PRICKLE1: variants seen among roughly 807,000 people sequenced by gnomAD.
The protein encoded by PRICKLE1 is prickle planar cell polarity protein 1.
A neutral mutation model predicts 70.2 loss-of-function variants in PRICKLE1; 14 were observed. The observed-to-expected ratio is 0.20, with a 90% CI of 0.13 to 0.31. The LOEUF (loss-of-function observed/expected upper bound fraction) is 0.31, where lower values mean the gene tolerates loss of function less well. PRICKLE1 is among the 10% of genes least tolerant of loss of function. The pLI, the probability that PRICKLE1 is intolerant of heterozygous loss-of-function variation, is 1.00. For synonymous variants in PRICKLE1, 357 were observed against 379.9 expected, an observed-to-expected ratio of 0.94 and a Z score of 0.70; for missense variants, 821 against 1,026.2, an observed-to-expected ratio of 0.80 and a Z score of 2.73.
At chr12:42,543,515 C>A (rs1940152826) in intron 1 of PRICKLE1, among the ~76,000 whole-genome samples, 1 of 151,912 alleles carries the variant, frequency 6.6e-6, no homozygotes, top group Admixed American at 6.6e-5. Flanking sequence ...GAACTTTTGA[C>A]TCCTCAAAAC....
intron 1 of PRICKLE1, among the ~76,000 whole-genome samples, chr12:42,571,206 T>C (rs1278600462): frequency 6.6e-6 from 1 of 151,984 alleles, no homozygotes; most frequent in Non-Finnish European, 1.5e-5. Flanking sequence ...GTAAACATAA[T>C]GAATGGTAAC....
intron 1 of PRICKLE1, among the ~76,000 whole-genome samples, chr12:42,536,223 C>T (rs1264754688): frequency 1.3e-5 from 2 of 152,146 alleles, no homozygotes; most frequent in East Asian, 3.8e-4. Flanking sequence ...TGAGGGACTC[C>T]AAGGGGACTT....
chr12:42,550,839 TC>T (rs1940302305), intron 1 of PRICKLE1, among the ~76,000 whole-genome samples: 1 of 152,230 alleles, frequency 6.6e-6, no homozygotes, highest in Non-Finnish European at 1.5e-5. Context: ...AGAGAGTTTC[TC>T]CTTTTTGGCA....
chr12:42,517,553 C>T, intron 1 of PRICKLE1, among the ~76,000 whole-genome samples: 1 of 152,024 alleles, frequency 6.6e-6, no homozygotes, highest in East Asian at 1.9e-4. Context: ...ACCTCGTGAT[C>T]CGCCCATCTT....
In PRICKLE1 at chr12:42,459,994, C is replaced by A. The variant is rs146670726; in HGVS notation, c.2311G>T (p.Asp771Tyr). The A allele has an allele frequency of 1.9e-6, 3 of 1,613,870 alleles. No individual in the cohort carries two copies. The highest frequency in any genetic ancestry group is 2.5e-6 in the Non-Finnish European group (3 of 1,179,990). The change falls in exon 8 of 8, where the codon GAC becomes TAC. Residue 771 changes from aspartate (D) to tyrosine (Y), a missense_variant. By Grantham distance (160) the Asp-to-Tyr change is radical. Coordinates refer to ENST00000345127, the MANE Select transcript of PRICKLE1 (RefSeq NM_153026.3). ...AGAAAATATCCTTCTTCTTCCGAGT[C>A]GGAAGAGGAGGAGGAGGAAGAACAC... ...SWCSSSSSSSDSEEEGYFLGQ... is the reference protein window; with the variant it reads ...SWCSSSSSSSYSEEEGYFLGQ...
At chr12:42,585,910 A>G (rs1034318023) in intron 1 of PRICKLE1, among the ~76,000 whole-genome samples, 2 of 152,108 alleles carry the variant, frequency 1.3e-5, no homozygotes, top group African/African-American at 2.4e-5. Flanking sequence ...AGATTCCTCA[A>G]TGCCATCTTG....
At chr12:42,576,621 T>G (rs1387529147) in intron 1 of PRICKLE1, among the ~76,000 whole-genome samples, 1 of 152,232 alleles carries the variant, frequency 6.6e-6, no homozygotes, top group Non-Finnish European at 1.5e-5. Flanking sequence ...TTATTAGTTC[T>G]TCCTATTGGT....
intron 1 of PRICKLE1, among the ~76,000 whole-genome samples, chr12:42,559,576 A>G (rs539004076): frequency 1.4e-3 from 197 of 136,952 alleles, no homozygotes; most frequent in African/African-American, 4.8e-3. Context: ...GTATATATAT[A>G]TGTGTGTGTT....
intron 2 of PRICKLE1, 45 bp downstream of exon 2, chr12:42,472,340 C>T (rs1938356892): frequency 6.2e-7 from 1 of 1,610,312 alleles, no homozygotes; most frequent in Non-Finnish European, 8.5e-7. Context: ...AGTCTGAACT[C>T]ACACTGAAAA....
chr12:42,489,317 T>C (rs1939048140), intron 1 of PRICKLE1, among the ~76,000 whole-genome samples: 1 of 151,852 alleles, frequency 6.6e-6, no homozygotes, highest in African/African-American at 2.4e-5. Flanking sequence ...TACTAAAATA[T>C]ACTACAATAT....
At chr12:42,571,268 G>A (rs999836248) in intron 1 of PRICKLE1, among the ~76,000 whole-genome samples, 1 of 152,110 alleles carries the variant, frequency 6.6e-6, no homozygotes, top group South Asian at 2.1e-4. Context: ...ATTTTGGACT[G>A]CTGTATATCA....
At chr12:42,499,999 C>T (rs2140180645) in intron 1 of PRICKLE1, among the ~76,000 whole-genome samples, 1 of 152,278 alleles carries the variant, frequency 6.6e-6, no homozygotes, top group East Asian at 1.9e-4. Context: ...GATCCACCTG[C>T]CTTGGCCTCC....
intron 1 of PRICKLE1, among the ~76,000 whole-genome samples, chr12:42,531,312 C>T (rs1474513006): frequency 1.3e-5 from 2 of 152,144 alleles, no homozygotes; most frequent in South Asian, 4.2e-4. Context: ...TCCCAAAGTG[C>T]TGGGATTACA....
rs535176269 is a variant in PRICKLE1 at position 42,479,498 on chromosome 12, T to C, written c.-48-6934A>G. On this transcript the variant is annotated intron_variant, in intron 1 of 7. Coordinates refer to ENST00000345127, the MANE Select transcript of PRICKLE1 (RefSeq NM_153026.3). ...CCAAATTCAAGTATGGCCTTATTCA[T>C]ATAACACAGTGATATAATGAGGGGT... 1.3e-3 allele frequency among the ~76,000 whole-genome samples: 202 copies of C among 152,362 alleles called. 3 individuals carry two copies. The highest frequency in any genetic ancestry group is 4.8e-3 in the African/African-American group (199 of 41,580).
At chr12:42,548,343 T>C (rs1331508567) in intron 1 of PRICKLE1, among the ~76,000 whole-genome samples, 1 of 152,220 alleles carries the variant, frequency 6.6e-6, no homozygotes, top group African/African-American at 2.4e-5. Context: ...TCAACCTGTA[T>C]ATGCAGTAGA....
chr12:42,546,571 T>C (rs1236724799), intron 1 of PRICKLE1, among the ~76,000 whole-genome samples: 1 of 152,138 alleles, frequency 6.6e-6, no homozygotes, highest in Non-Finnish European at 1.5e-5. Flanking sequence ...CTGGCCAACA[T>C]GGCGAAACCC....
intron 1 of PRICKLE1, chr12:42,485,574 G>T (rs1482296179): frequency 6.6e-6 from 1 of 152,056 alleles, no homozygotes; most frequent in Non-Finnish European, 1.5e-5. Flanking sequence ...GCTTCCTCAG[G>T]GAAGATTTCA....
intron 1 of PRICKLE1, among the ~76,000 whole-genome samples, chr12:42,521,929 G>GGTGTGTGTGTGT (rs72169209): frequency 2.7e-4 from 38 of 139,908 alleles, no homozygotes; most frequent in African/African-American, 9.7e-4. Context: ...GTTTGTTTTT[G>GGTGTGTGTGTGT]GTGTGTGTGT....
At chr12:42,481,679 A>T (rs1027923763) in intron 1 of PRICKLE1, among the ~76,000 whole-genome samples, 4 of 152,368 alleles carry the variant, frequency 2.6e-5, no homozygotes, top group Non-Finnish European at 5.9e-5. Context: ...AGGTGAATTA[A>T]ATTTAACTAC....
Sources: gnomAD v4.1 joint callset for allele counts (sites outside exome capture counted in the v4.1 genomes callset) on GRCh38, gnomAD v4.1.1 for gene constraint, MANE v1.5 for transcripts, NCBI Gene and HGNC (gene_info 2026-07-23, HGNC 2026-07-21) for gene names.